The following PRAG1 variants were observed in gnomAD, a reference collection of about 807,000 sequenced individuals.
The protein encoded by PRAG1 is PEAK1 related, kinase-activating pseudokinase 1, also known as inactive tyrosine-protein kinase PRAG1.
In PRAG1, 110 loss-of-function variants were observed where a neutral mutation model predicts 95.6. The ratio of observed to expected loss-of-function variants is 1.15; its 90% CI spans 0.99 to 1.35. PRAG1 has a LOEUF of 1.35. PRAG1 is among the 40% of genes most tolerant of loss of function. The probability of loss-of-function intolerance (pLI) is 0.00; values close to 1 mark genes in which losing one functional copy is unlikely to be tolerated. For synonymous variants in PRAG1, 1,052 were observed against 819.4 expected (o/e 1.28, Z -4.85); for missense variants, 2,554 against 1,864.7 (o/e 1.37, Z -6.81).
intron 1 of PRAG1, among the ~76,000 whole-genome samples, chr8:8,385,803 G>A (rs1326242630): frequency 6.6e-6 from 1 of 151,968 alleles, no homozygotes; most frequent in Non-Finnish European, 1.5e-5. Context: ...GCGTTTCAGA[G>A]GGCTCAGCCA....
chr8:8,321,373 C>T (rs182531652), intron 5 of PRAG1, among the ~76,000 whole-genome samples: 11 of 152,348 alleles, frequency 7.2e-5, no homozygotes, highest in Admixed American at 3.9e-4. Flanking sequence ...GCGTGAACCA[C>T]GGTGCCTGGC....
chr8:8,365,847 G>A (rs7843290), intron 3 of PRAG1, among the ~76,000 whole-genome samples: 6,012 of 151,476 alleles, frequency 0.04, 157 homozygotes, highest in African/African-American at 0.075. Flanking sequence ...GGACATGGTG[G>A]TATGCCCCTG....
intron 3 of PRAG1, among the ~76,000 whole-genome samples, chr8:8,373,572 C>G (rs1232964737): frequency 2.6e-5 from 4 of 151,942 alleles, no homozygotes; most frequent in Non-Finnish European, 5.9e-5. Context: ...ACCTCAGCCC[C>G]CAGAGAAGCT....
Position 8,381,835 on chromosome 8 carries a change from C to G in PRAG1, c.-87-1G>C. ...CAGAGGTGGGTCACAGAGCGGCTTCCTAGAAAGGCAGGACAGTTTCCTGAT... is the reference window on the plus strand; with the variant it reads ...CAGAGGTGGGTCACAGAGCGGCTTCGTAGAAAGGCAGGACAGTTTCCTGAT... On this transcript the variant is annotated splice_acceptor_variant, in intron 1 of 5. Coordinates refer to ENST00000615670, the MANE Select transcript of PRAG1 (RefSeq NM_001080826.3). LOFTEE classifies it low-confidence loss of function (5UTR_SPLICE). 1 of 1,088,110 alleles carries G rather than the reference C, an allele frequency of 9.2e-7. No individual in the cohort carries two copies. Among genetic ancestry groups the G allele is most frequent in the East Asian group, 2.6e-5 (1 of 38,222 alleles). The allele number at this position is 1,088,110 out of a possible 1,614,324, so 67.4% of individuals were successfully genotyped here.
intron 3 of PRAG1, among the ~76,000 whole-genome samples, chr8:8,373,439 A>G (rs1219724931): frequency 6.7e-6 from 1 of 148,912 alleles, no homozygotes; most frequent in Non-Finnish European, 1.5e-5. Context: ...CTCTTAAGCT[A>G]ATTTTATTTT....
chr8:8,372,282 A>C (rs1012088394), intron 3 of PRAG1, among the ~76,000 whole-genome samples: 1 of 152,166 alleles, frequency 6.6e-6, no homozygotes, highest in Admixed American at 6.5e-5. Context: ...GGCCTCCCTA[A>C]GTGCTGGGAT....
At chr8:8,378,139 G>C in intron 2 of PRAG1, 61 bp from the exon 3 acceptor site, 3 of 1,493,630 alleles carry the variant, frequency 2.0e-6, no homozygotes, top group African/African-American at 1.4e-5. Context: ...AAAAGAGAGA[G>C]AGGAAAAGTG....
At chr8:8,358,319 A>G (rs535465175) in intron 3 of PRAG1, among the ~76,000 whole-genome samples, 3 of 152,172 alleles carry the variant, frequency 2.0e-5, no homozygotes, top group Non-Finnish European at 4.4e-5. Context: ...GAAACCCCAG[A>G]GGTTCTGCTA....
chr8:8,378,855 G>T (rs1456078021), intron 2 of PRAG1, among the ~76,000 whole-genome samples: 1 of 102,590 alleles, frequency 9.7e-6, no homozygotes, highest in Admixed American at 1.0e-4. Flanking sequence ...GCCAGACCCT[G>T]TACCAAAAAT....
intron 1 of PRAG1, among the ~76,000 whole-genome samples, chr8:8,382,748 T>C (rs1024298357): frequency 1.3e-5 from 2 of 151,302 alleles, no homozygotes; most frequent in Non-Finnish European, 3.0e-5. Context: ...GCTCAAAGAG[T>C]TGCAGCCATT....
chr8:8,380,041 G>A (rs1387921182), intron 2 of PRAG1, among the ~76,000 whole-genome samples: 2 of 152,060 alleles, frequency 1.3e-5, no homozygotes, highest in African/African-American at 4.8e-5. Context: ...AGGAGTTTGA[G>A]ACCAGGAACT....
At chr8:8,325,316 A>G (rs374444175) in intron 5 of PRAG1, among the ~76,000 whole-genome samples, 174 of 152,238 alleles carry the variant, frequency 1.1e-3, no homozygotes, top group African/African-American at 4.0e-3. Context: ...TCCTCTGCAT[A>G]TTGGATGCTA....
intron 3 of PRAG1, among the ~76,000 whole-genome samples, chr8:8,352,805 G>C (rs1480193650): frequency 2.6e-5 from 4 of 152,038 alleles, no homozygotes; most frequent in Non-Finnish European, 5.9e-5. Flanking sequence ...TAAAGATTTT[G>C]TACTTGCTTA....
At position 8,339,611 on chromosome 8, in the gene PRAG1, G is replaced by A. The variant is rs758800639; in HGVS notation, c.2187C>T (p.Ser729=). 3.1e-6 allele frequency: 5 copies of A among 1,612,448 alleles called. No individual in the cohort carries two copies. The African/African-American group carries it at 6.7e-5, about 22-fold the overall frequency. The stretch of plus-strand genomic sequence containing the variant: ...GGCTCACTTTTTCCAAATCAGAGCT[G>A]CTCTTGTTCATTTTTAGAAGGTGCC... The part of the protein sequence containing the change: ...KSRHLLKMNK[S]SSDLEKVSQG... Residue 729 remains serine (S), a synonymous_variant, in exon 4 of 6, where the codon AGC becomes AGT. Coordinates refer to ENST00000615670, the MANE Select transcript of PRAG1 (RefSeq NM_001080826.3).
intron 2 of PRAG1, 128 bp from the exon 3 acceptor site, chr8:8,378,206 G>C (rs1021192972): frequency 1.8e-6 from 2 of 1,106,898 alleles, no homozygotes; most frequent in African/African-American, 3.1e-5. Context: ...CAGGGGCGCT[G>C]GGGCCGGGGA....
At chr8:8,366,962 C>T (rs889191092) in intron 3 of PRAG1, among the ~76,000 whole-genome samples, 2 of 152,060 alleles carry the variant, frequency 1.3e-5, no homozygotes, top group Admixed American at 6.6e-5. Flanking sequence ...TATGAGCCAC[C>T]GTGCCCAGCT....
intron 5 of PRAG1, among the ~76,000 whole-genome samples, chr8:8,324,989 C>T (rs575505972): frequency 3.9e-5 from 6 of 152,324 alleles, no homozygotes; most frequent in African/African-American, 1.4e-4. Context: ...AGGTGTGAGC[C>T]TGCTATTGTT....
intron 3 of PRAG1, among the ~76,000 whole-genome samples, chr8:8,371,595 C>T (rs1391447483): frequency 1.3e-5 from 2 of 152,072 alleles, no homozygotes; most frequent in Admixed American, 1.3e-4. Flanking sequence ...ATCAGCTGGG[C>T]GTGGTGGCTC....
chr8:8,336,921 C>CA (rs1799005918), intron 4 of PRAG1, among the ~76,000 whole-genome samples: 1 of 142,822 alleles, frequency 7.0e-6, no homozygotes, highest in African/African-American at 2.8e-5. Context: ...CCCCTCCCCC[C>CA]ACCTCCGACA....
Sources: gnomAD v4.1 joint callset for allele counts (sites outside exome capture counted in the v4.1 genomes callset) on GRCh38, gnomAD v4.1.1 for gene constraint, MANE v1.5 for transcripts, NCBI Gene and HGNC (gene_info 2026-07-23, HGNC 2026-07-21) for gene names.